The following ERMAP variants were observed in gnomAD, a reference collection of about 807,000 sequenced individuals.
ERMAP encodes the protein erythroid membrane-associated protein.
ERMAP carries 34 observed loss-of-function variants against 49.5 expected under a neutral mutation model. The ratio of observed to expected loss-of-function variants is 0.69; its 90% CI spans 0.52 to 0.91. The LOEUF (loss-of-function observed/expected upper bound fraction) is 0.91, where lower values mean the gene tolerates loss of function less well. ERMAP is among the 40% of genes least tolerant of loss of function. The pLI, the probability that ERMAP is intolerant of heterozygous loss-of-function variation, is 0.00. For synonymous variants in ERMAP, 214 were observed against 232.2 expected (o/e 0.92, Z 0.71); for missense variants, 541 against 582.6 (o/e 0.93, Z 0.74).
intron 11 of ERMAP, among the ~76,000 whole-genome samples, chr1:42,841,276 TAAG>T (rs1258792167): frequency 6.6e-6 from 1 of 152,206 alleles, no homozygotes; most frequent in Non-Finnish European, 1.5e-5. Flanking sequence ...CTTAACTCTC[TAAG>T]AAGAAGCTGT....
At position 42,830,452 on chromosome 1, in the gene ERMAP, GA is replaced by G; in HGVS notation, c.5del (p.Glu2GlyfsTer41). On this transcript the variant is annotated frameshift_variant, in exon 3 of 12. Transcript: ENST00000372517. LOFTEE classifies it high-confidence loss of function. The part of the protein sequence containing the change: M[E>X]MASSAGSWLS... The stretch of plus-strand genomic sequence containing the variant: ...CCCTCTGTCTGTCCTAGTTCGGATG[GA>G]GATGGCGAGTTCTGCTGGCTCCTGG... 3 of 1,614,118 alleles carry G rather than the reference GA, an allele frequency of 1.9e-6. No homozygotes were observed. The highest frequency in any genetic ancestry group is 2.5e-6 in the Non-Finnish European group (3 of 1,180,006).
At chr1:42,837,279 A>G (rs1160957945) in intron 7 of ERMAP, 89 bp downstream of exon 7, 1 of 1,381,350 alleles carries the variant, frequency 7.2e-7, no homozygotes, top group East Asian at 2.3e-5. Context: ...TTATAAGTCT[A>G]TTTTTATAAT....
At position 42,819,218 on chromosome 1, in the gene ERMAP, A is replaced by G. The variant is rs1421943440; in HGVS notation, c.-122+1965A>G. Among the ~76,000 whole-genome samples the G allele has an allele frequency of 6.9e-6, 1 of 145,026 alleles. No homozygotes were observed. The highest frequency in any genetic ancestry group is 2.6e-5 in the African/African-American group (1 of 39,102). On this transcript the variant is annotated intron_variant, in intron 1 of 11. Coordinates refer to ENST00000372517, the MANE Select transcript of ERMAP (RefSeq NM_001017922.2). This position sits in a 1 kb window ranked among gnomAD's most constrained non-coding sequence, Gnocchi z 5.1. ...GTGTGTGTGTGTGTGCGCGCGCGCAAGAGAGGGACCGAGAGAGAGAAAGAG... is the reference window on the plus strand; with the variant it reads ...GTGTGTGTGTGTGTGCGCGCGCGCAGGAGAGGGACCGAGAGAGAGAAAGAG...
In ERMAP at chr1:42,825,660, G is replaced by C; in HGVS notation, c.-84G>C. The C allele has an allele frequency of 7.8e-7, 1 of 1,289,368 alleles. No individual in the cohort carries two copies. The highest frequency in any genetic ancestry group is 1.2e-5 in the South Asian group (1 of 81,022). The allele number at this position is 1,289,368 out of a possible 1,614,324, so 79.9% of individuals were successfully genotyped here. Reference sequence around the variant, plus strand: ...CGCTTGCCTGCTCCCTGGTCTCTCTGCATGGGGAAGGAGTGTTCCCAGCTT... The same window carrying C: ...CGCTTGCCTGCTCCCTGGTCTCTCTCCATGGGGAAGGAGTGTTCCCAGCTT... On this transcript the variant is annotated 5_prime_UTR_variant, in exon 2 of 12. Coordinates refer to ENST00000372517, the MANE Select transcript of ERMAP (RefSeq NM_001017922.2).
At chr1:42,837,126 A>T in intron 6 of ERMAP, 32 bp from the exon 7 acceptor site, 1 of 1,613,488 alleles carries the variant, frequency 6.2e-7, no homozygotes. Context: ...CAGTGGCAAA[A>T]AATCTCATTA....
intron 5 of ERMAP, 35 bp from the exon 6 acceptor site, chr1:42,835,697 C>A: frequency 6.2e-7 from 1 of 1,611,640 alleles, no homozygotes; most frequent in Non-Finnish European, 8.5e-7. Flanking sequence ...AAAAGCCCTT[C>A]CTAAGCTGAG....
rs763472824 is a variant in ERMAP, at chr1:42,842,872, G to A, written c.1068G>A (p.Arg356=). 2 of 1,614,192 alleles carry A rather than the reference G, an allele frequency of 1.2e-6. No homozygotes were observed. Among genetic ancestry groups the A allele is most frequent in the Non-Finnish European group, 1.7e-6 (2 of 1,180,030 alleles). ...QTSFRLKEPP[R]CVGIFLDYEA... ...CCTTCCGCCTTAAAGAGCCTCCACG[G>A]TGTGTGGGGATTTTCCTGGACTATG... Residue 356 remains arginine (R), a synonymous_variant, in exon 12 of 12, where the codon CGG becomes CGA. Coordinates refer to ENST00000372517, the MANE Select transcript of ERMAP (RefSeq NM_001017922.2).
chr1:42,841,155 C>G (rs928895653), intron 11 of ERMAP, among the ~76,000 whole-genome samples: 4 of 152,084 alleles, frequency 2.6e-5, no homozygotes. Context: ...GTTGGCCACT[C>G]GAGAGAACTC....
At chr1:42,818,031 A>G (rs1000193435) in intron 1 of ERMAP, among the ~76,000 whole-genome samples, 2 of 152,252 alleles carry the variant, frequency 1.3e-5, no homozygotes, top group African/African-American at 4.8e-5. Context: ...CACAGCTTCT[A>G]AGTGCTGGAG....
At chr1:42,820,039 A>G (rs1280138108) in intron 1 of ERMAP, among the ~76,000 whole-genome samples, 1 of 152,172 alleles carries the variant, frequency 6.6e-6, no homozygotes, top group East Asian at 1.9e-4. Context: ...TTGCTTGTCT[A>G]AAAATGGCTT....
chr1:42,837,179 C>T lies in ERMAP; in HGVS notation c.605C>T (p.Ala202Val), dbSNP rs1654926535. 3.1e-6 allele frequency: 5 copies of T among 1,613,428 alleles called. No homozygotes were observed. The highest frequency in any genetic ancestry group is 4.2e-6 in the Non-Finnish European group (5 of 1,179,754). ...TEVDNLLSDH[A>V]KEKGKLHKAV... The stretch of plus-strand genomic sequence containing the variant: ...CTAGACAATCTTCTTTCAGACCATG[C>T]TAAAGAAAAAGGTAATGATATAAAA... The change falls in exon 7 of 12, where the codon GCT becomes GTT. Residue 202 changes from alanine to valine, a missense_variant. By Grantham distance (64) the Ala-to-Val change is moderately conservative. Coordinates refer to ENST00000372517, the MANE Select transcript of ERMAP (RefSeq NM_001017922.2).
In ERMAP at chr1:42,830,147, C is replaced by T. The variant is rs35568889; in HGVS notation, c.-5-297C>T. On this transcript the variant is annotated intron_variant, in intron 2 of 11. Coordinates refer to ENST00000372517, the MANE Select transcript of ERMAP (RefSeq NM_001017922.2). ...TCATCTGCACTGACATCCTCACTCACGGCATTTAGAGACTTAACACGCCAG... is the reference window on the plus strand; with the variant it reads ...TCATCTGCACTGACATCCTCACTCATGGCATTTAGAGACTTAACACGCCAG... 3.9e-3 allele frequency: 1,548 copies of T among 392,578 alleles called. 29 individuals are homozygous for T. The highest frequency in any genetic ancestry group is 0.028 in the African/African-American group (1,381 of 49,164). 24.3% of individuals were successfully genotyped at this position (392,578 alleles called of 1,614,324 possible). A position where few individuals can be genotyped will look rare whatever the true frequency, so the allele number is the denominator to read the frequency against.
chr1:42,835,202 A>G, intron 5 of ERMAP, 48 bp downstream of exon 5: 2 of 837,896 alleles, frequency 2.4e-6, no homozygotes, highest in South Asian at 2.6e-5. Context: ...TGGGACTATG[A>G]CTGCTCTGGG....
At chr1:42,839,210 A>G in intron 8 of ERMAP, 1 of 536,102 alleles carries the variant, frequency 1.9e-6, no homozygotes, top group East Asian at 3.0e-5. Flanking sequence ...TCACCCAGGC[A>G]TGACATTTCC....
chr1:42,819,168 A>G lies in ERMAP; in HGVS notation c.-122+1915A>G, dbSNP rs1261758404. ...ACGGTGAGGAAGAGGATAAGTTAGG[A>G]GCGTGTGTGTGTGTGTGTGTGTGTG... is the stretch of plus-strand genomic sequence containing the variant. On this transcript the variant is annotated intron_variant, in intron 1 of 11. Coordinates refer to ENST00000372517, the MANE Select transcript of ERMAP (RefSeq NM_001017922.2). This position sits in a 1 kb window ranked among gnomAD's most constrained non-coding sequence, Gnocchi z 5.1. Among the ~76,000 whole-genome samples the G allele has an allele frequency of 1.1e-5, 1 of 94,232 alleles. No individual in the cohort carries two copies. The highest frequency in any genetic ancestry group is 2.2e-5 in the Non-Finnish European group (1 of 45,180). 61.8% of individuals were successfully genotyped at this position (94,232 alleles called of 152,430 possible). A position where few individuals can be genotyped will look rare whatever the true frequency, so the allele number is the denominator to read the frequency against.
intron 2 of ERMAP, among the ~76,000 whole-genome samples, chr1:42,826,471 T>C (rs543492147): frequency 3.2e-4 from 49 of 152,236 alleles, no homozygotes; most frequent in Admixed American, 7.2e-4. Context: ...TGATATGACT[T>C]TCTGGAGGGC....
chr1:42,828,201 T>A (rs1412602631), intron 2 of ERMAP, among the ~76,000 whole-genome samples: 2 of 151,708 alleles, frequency 1.3e-5, no homozygotes, highest in Non-Finnish European at 2.9e-5. Context: ...TACATCTGTG[T>A]AAGAAAATAT....
rs769054347 is a variant in ERMAP at position 42,843,173 on chromosome 1, C to T, written c.1369C>T (p.Leu457=). ...PKAPELKDII[L]SLPPDLGPAL... ...GGCCCCAGAGCTGAAGGATATAATC[C>T]TGTCCTTGCCCCCTGACCTTGGCCC... The change falls in exon 12 of 12, where the codon CTG becomes TTG. Residue 457 remains leucine, a synonymous_variant. Coordinates refer to ENST00000372517, the MANE Select transcript of ERMAP (RefSeq NM_001017922.2). The T allele has an allele frequency of 6.2e-7, 1 of 1,612,676 alleles. No homozygotes were observed.
At position 42,824,269 on chromosome 1, in the gene ERMAP, G is replaced by A. The variant is rs1159021695; in HGVS notation, c.-121-1354G>A. On this transcript the variant is annotated intron_variant, in intron 1 of 11. Coordinates refer to ENST00000372517, the MANE Select transcript of ERMAP (RefSeq NM_001017922.2). Reference sequence around the variant, plus strand: ...AGGCTGAGGCAGGAGAATGGCATGAGCCCAGGAGGCGGAGCTTGCAGTGAG... The same window carrying A: ...AGGCTGAGGCAGGAGAATGGCATGAACCCAGGAGGCGGAGCTTGCAGTGAG... Among the ~76,000 whole-genome samples the A allele has an allele frequency of 2.0e-5, 3 of 151,550 alleles. No individual in the cohort carries two copies. In the East Asian group the frequency reaches 5.8e-4, roughly 29 times the overall value.
Sources: gnomAD v4.1 joint callset for allele counts (sites outside exome capture counted in the v4.1 genomes callset) on GRCh38, gnomAD v4.1.1 for gene constraint, Gnocchi (gnomAD v3.1) non-coding constraint, MANE v1.5 for transcripts, NCBI Gene and HGNC (gene_info 2026-07-23, HGNC 2026-07-21) for gene names.